Variants in GRID2 observed in about 807,000 individuals in gnomAD.
The protein encoded by GRID2 is glutamate receptor ionotropic, delta-2.
Under a neutral mutation model 114.8 loss-of-function variants are expected in GRID2, and 33 were observed. The ratio of observed to expected loss-of-function variants is 0.29; its 90% CI spans 0.22 to 0.38. GRID2 has a LOEUF of 0.38. GRID2 is among the 10% of genes least tolerant of loss of function. The pLI, the probability that GRID2 is intolerant of heterozygous loss-of-function variation, is 1.00. For synonymous variants in GRID2, 505 were observed against 449.9 expected, an observed-to-expected ratio of 1.12 and a Z score of -1.55; for missense variants, 1,184 against 1,257.7, an observed-to-expected ratio of 0.94 and a Z score of 0.89.
chr4:93,218,343 T>C (rs139630471), intron 6 of GRID2, among the ~76,000 whole-genome samples: 5 of 151,726 alleles, frequency 3.3e-5, no homozygotes, highest in South Asian at 2.1e-4. Context: ...CTGAAAAAAA[T>C]AATAATAATA....
intron 3 of GRID2, among the ~76,000 whole-genome samples, chr4:93,104,116 G>T (rs897227653): frequency 6.6e-6 from 1 of 151,960 alleles, no homozygotes; most frequent in East Asian, 1.9e-4. Flanking sequence ...TTTAGCTTCC[G>T]CTTATTAGTG....
intron 1 of GRID2, among the ~76,000 whole-genome samples, chr4:92,522,204 C>T (rs1724818935): frequency 6.6e-6 from 1 of 151,792 alleles, no homozygotes; most frequent in Non-Finnish European, 1.5e-5. Flanking sequence ...AAGAGCATTC[C>T]AGACACAGGA....
At chr4:92,553,092 G>A (rs1726675764) in intron 1 of GRID2, among the ~76,000 whole-genome samples, 1 of 152,064 alleles carries the variant, frequency 6.6e-6, no homozygotes, top group Non-Finnish European at 1.5e-5. Context: ...TGGTGGGTGG[G>A]GAGCAAGGCT....
chr4:92,568,298 T>C (rs1231476298), intron 1 of GRID2, among the ~76,000 whole-genome samples: 1 of 152,014 alleles, frequency 6.6e-6, no homozygotes, highest in Non-Finnish European at 1.5e-5. Context: ...TGTCTGATTA[T>C]AGAAGACTCA....
chr4:93,094,152 G>GA (rs1190766120), intron 3 of GRID2, among the ~76,000 whole-genome samples: 11 of 151,502 alleles, frequency 7.3e-5, no homozygotes, highest in Non-Finnish European at 4.4e-5. Flanking sequence ...CTTGCTTCAG[G>GA]AAAAAAAGGG....
chr4:93,099,366 A>G (rs1023765455), intron 3 of GRID2, among the ~76,000 whole-genome samples: 1 of 151,916 alleles, frequency 6.6e-6, no homozygotes, highest in African/African-American at 2.4e-5. Flanking sequence ...GCTAAAAATT[A>G]TTTTATGGTC....
At chr4:93,333,889 C>T (rs1455884351) in intron 8 of GRID2, among the ~76,000 whole-genome samples, 1 of 151,978 alleles carries the variant, frequency 6.6e-6, no homozygotes, top group African/African-American at 2.4e-5. Context: ...AAATGTTATT[C>T]ACTGATCCAG....
intron 2 of GRID2, among the ~76,000 whole-genome samples, chr4:92,616,650 T>C (rs951193075): frequency 2.0e-5 from 3 of 150,676 alleles, no homozygotes; most frequent in Admixed American, 1.3e-4. Flanking sequence ...TTGTTCTTTG[T>C]TTTTTTCCTC....
chr4:92,319,042 C>A (rs116573755), intron 1 of GRID2, among the ~76,000 whole-genome samples: 1 of 151,948 alleles, frequency 6.6e-6, no homozygotes, highest in South Asian at 2.1e-4. Context: ...TTTCATAATG[C>A]GTATTTTAAA....
intron 3 of GRID2, among the ~76,000 whole-genome samples, chr4:93,091,511 C>T (rs556493034): frequency 2.6e-5 from 4 of 152,242 alleles, no homozygotes; most frequent in Non-Finnish European, 2.9e-5. Context: ...ATATCATTAA[C>T]ATCTGTCCTT....
At chr4:92,842,863 G>C (rs1485086753) in intron 2 of GRID2, among the ~76,000 whole-genome samples, 1 of 152,056 alleles carries the variant, frequency 6.6e-6, no homozygotes, top group Non-Finnish European at 1.5e-5. Flanking sequence ...CAAACATCAG[G>C]TGTGGTAAGA....
chr4:92,981,146 T>A (rs1412393910), intron 2 of GRID2, among the ~76,000 whole-genome samples: 3 of 152,112 alleles, frequency 2.0e-5, no homozygotes, highest in Admixed American at 6.5e-5. Context: ...GGTGTCATTT[T>A]AAAATACTTC....
In GRID2 at chr4:92,485,320, A is replaced by AG. The variant is rs1441105290; in HGVS notation, c.89-104811_89-104810insG. On this transcript the variant is annotated intron_variant, in intron 1 of 15. Coordinates refer to ENST00000282020, the MANE Select transcript of GRID2 (RefSeq NM_001510.4). ...TGTGTGCATATATATATATATATAT[A>AG]TATATATATATATATATATATATAT... Among the ~76,000 whole-genome samples the AG allele has an allele frequency of 4.5e-3, 417 of 93,452 alleles. 14 individuals carry two copies. Among genetic ancestry groups the AG allele is most frequent in the Non-Finnish European group, 7.4e-3 (314 of 42,474 alleles). 61.3% of individuals were successfully genotyped at this position (93,452 alleles called of 152,430 possible).
intron 3 of GRID2, among the ~76,000 whole-genome samples, chr4:93,105,066 G>A (rs904180755): frequency 6.6e-6 from 1 of 152,018 alleles, no homozygotes; most frequent in Non-Finnish European, 1.5e-5. Context: ...CAGTGATGAT[G>A]AGCATTTTTT....
chr4:93,182,008 C>T (rs1739940042), intron 4 of GRID2, among the ~76,000 whole-genome samples: 1 of 152,102 alleles, frequency 6.6e-6, no homozygotes, highest in Non-Finnish European at 1.5e-5. Flanking sequence ...ATAAATTTCA[C>T]AAGTGTTTAA....
At chr4:93,392,121 C>G (rs934857416) in intron 8 of GRID2, among the ~76,000 whole-genome samples, 1 of 152,112 alleles carries the variant, frequency 6.6e-6, no homozygotes, top group Non-Finnish European at 1.5e-5. Context: ...GTGACTTTCT[C>G]TAAGTCTCAT....
intron 1 of GRID2, among the ~76,000 whole-genome samples, chr4:92,584,775 C>T (rs1418112668): frequency 1.3e-5 from 2 of 151,802 alleles, no homozygotes; most frequent in Non-Finnish European, 2.9e-5. Flanking sequence ...AAAAAAAATG[C>T]TTAAAGTGAA....
At chr4:93,128,052 A>AAC (rs1560908549) in intron 4 of GRID2, among the ~76,000 whole-genome samples, 64 of 145,422 alleles carry the variant, frequency 4.4e-4, no homozygotes, top group Non-Finnish European at 7.4e-4. Flanking sequence ...AAAAAAAAAA[A>AAC]AAAAAAACAA....
intron 2 of GRID2, among the ~76,000 whole-genome samples, chr4:92,798,162 G>T (rs989638287): frequency 6.6e-6 from 1 of 151,760 alleles, no homozygotes; most frequent in Non-Finnish European, 1.5e-5. Flanking sequence ...TTTAAGAAGC[G>T]GATATTTCAA....
Sources: gnomAD v4.1 joint callset for allele counts (sites outside exome capture counted in the v4.1 genomes callset) on GRCh38, gnomAD v4.1.1 for gene constraint, MANE v1.5 for transcripts, NCBI Gene and HGNC (gene_info 2026-07-23, HGNC 2026-07-21) for gene names.